The following ARHGEF18 variants were observed in gnomAD, a reference collection of about 807,000 sequenced individuals.
The protein encoded by ARHGEF18 is rho guanine nucleotide exchange factor 18.
Under a neutral mutation model 155.7 loss-of-function variants are expected in ARHGEF18, and 93 were observed. The observed-to-expected ratio is 0.60, with a 90% CI of 0.50 to 0.71. ARHGEF18 has a LOEUF of 0.71. Among genes scored for constraint, ARHGEF18 ranks in the 30% least tolerant of loss-of-function variants. ARHGEF18 has a pLI of 0.00. For missense variants in ARHGEF18, 1,593 were observed against 1,816.1 expected, an observed-to-expected ratio of 0.88 and a Z score of 2.23; for synonymous variants, 742 against 753.1, an observed-to-expected ratio of 0.99 and a Z score of 0.24.
intron 10 of ARHGEF18, among the ~76,000 whole-genome samples, chr19:7,431,691 G>C (rs1042111853): frequency 6.6e-6 from 1 of 151,966 alleles, no homozygotes; most frequent in Non-Finnish European, 1.5e-5. Flanking sequence ...GCGCATGCCT[G>C]TAATCCCAGC....
At chr19:7,443,995 T>C (rs1974834129) in intron 13 of ARHGEF18, among the ~76,000 whole-genome samples, 1 of 151,962 alleles carries the variant, frequency 6.6e-6, no homozygotes, top group African/African-American at 2.4e-5. Context: ...CCCAGGGTTC[T>C]CTCCTTCCCC....
intron 16 of ARHGEF18, among the ~76,000 whole-genome samples, chr19:7,452,278 G>C (rs901980526): frequency 2.6e-5 from 4 of 152,208 alleles, no homozygotes; most frequent in Admixed American, 6.5e-5. Flanking sequence ...GGGAGGCAGA[G>C]AAGGGCGGGC....
At chr19:7,414,816 A>AG (rs934648302) in intron 10 of ARHGEF18, among the ~76,000 whole-genome samples, 4 of 142,100 alleles carry the variant, frequency 2.8e-5, no homozygotes, top group Non-Finnish European at 6.3e-5. Context: ...AAAAAAAAAG[A>AG]AAAAAACAAA....
intron 10 of ARHGEF18, among the ~76,000 whole-genome samples, chr19:7,398,631 CAGTGAGCCG>C (rs946658888): frequency 3.4e-5 from 5 of 149,194 alleles, no homozygotes; most frequent in African/African-American, 4.9e-5. Context: ...GCAGAGGTTG[CAGTGAGCCG>C]AGATCACGCC....
downstream of ARHGEF18, among the ~76,000 whole-genome samples, chr19:7,473,668 G>T (rs1977131792): frequency 6.6e-6 from 1 of 152,070 alleles, no homozygotes; most frequent in South Asian, 2.1e-4. Flanking sequence ...AAATTAGCCG[G>T]GCGTGGTGGC....
intron 1 of ARHGEF18, among the ~76,000 whole-genome samples, chr19:7,356,912 G>A (rs988538093): frequency 1.3e-5 from 2 of 152,216 alleles, no homozygotes; most frequent in Non-Finnish European, 2.9e-5. Context: ...CTCCTTGAAG[G>A]CTCATTGTGT....
intron 3 of ARHGEF18, among the ~76,000 whole-genome samples, chr19:7,373,471 T>TG (rs1970292647): frequency 1.5e-5 from 1 of 68,604 alleles, no homozygotes; most frequent in Admixed American, 1.3e-4. Context: ...TTGTTTTTTT[T>TG]TTTTTGTTTT....
chr19:7,427,322 T>C (rs368373194), intron 10 of ARHGEF18, among the ~76,000 whole-genome samples: 15 of 152,262 alleles, frequency 9.9e-5, no homozygotes, highest in East Asian at 9.7e-4. Context: ...GTGGGCTTCA[T>C]GTGTCCAGGC....
intron 26 of ARHGEF18, among the ~76,000 whole-genome samples, chr19:7,468,065 G>C (rs1461090201): frequency 6.6e-6 from 1 of 152,142 alleles, no homozygotes; most frequent in Non-Finnish European, 1.5e-5. Flanking sequence ...GCTAGGCATG[G>C]TGGCATGCAC....
chr19:7,423,406 G>A (rs1973472634), intron 10 of ARHGEF18, among the ~76,000 whole-genome samples: 1 of 151,984 alleles, frequency 6.6e-6, no homozygotes, highest in South Asian at 2.1e-4. Flanking sequence ...GGGGAGCCTG[G>A]TCATTAATTG....
intron 10 of ARHGEF18, among the ~76,000 whole-genome samples, chr19:7,412,156 C>T: frequency 6.6e-6 from 1 of 151,792 alleles, no homozygotes; most frequent in Non-Finnish European, 1.5e-5. Context: ...CTGCCTCAGC[C>T]TCCCAAGTAG....
chr19:7,460,785 T>G (rs1292856234), intron 20 of ARHGEF18, among the ~76,000 whole-genome samples: 1 of 151,976 alleles, frequency 6.6e-6, no homozygotes, highest in African/African-American at 2.4e-5. Context: ...TATTTTTTTT[T>G]ATTTTATCTT....
At chr19:7,448,601 C>T (rs1975157020) in intron 15 of ARHGEF18, among the ~76,000 whole-genome samples, 3 of 151,502 alleles carry the variant, frequency 2.0e-5, no homozygotes, top group African/African-American at 7.3e-5. Flanking sequence ...GCGGAGCGTG[C>T]AGTGAGCTGA....
chr19:7,434,994 G>C (rs956554443), intron 10 of ARHGEF18, among the ~76,000 whole-genome samples: 21 of 152,342 alleles, frequency 1.4e-4, no homozygotes, highest in African/African-American at 5.1e-4. Context: ...CTGCGGTCAA[G>C]AGTTTGAGAC....
Position 7,352,832 on chromosome 19 carries a change from C to CTT in ARHGEF18, c.-111+3612_-111+3613dup, listed in dbSNP as rs587602037. On this transcript the variant is annotated intron_variant, in intron 1 of 28. Coordinates refer to ENST00000668164, the MANE Select transcript of ARHGEF18 (RefSeq NM_001367823.1). ...ACAGGTGTGAGTCGCCGTGCCTGGCCTTTTTTTTTTTTTTTTTTTTTTGAC... is the reference window on the plus strand; with the variant it reads ...ACAGGTGTGAGTCGCCGTGCCTGGCCTTTTTTTTTTTTTTTTTTTTTTTTGAC... 6.2e-4 allele frequency among the ~76,000 whole-genome samples: 31 copies of CTT among 49,882 alleles called. 9 individuals are homozygous for CTT. The highest frequency in any genetic ancestry group is 1.6e-3 in the East Asian group (2 of 1,278). 32.7% of individuals were successfully genotyped at this position (49,882 alleles called of 152,430 possible).
chr19:7,441,949 A>T lies in ARHGEF18; in HGVS notation c.1257A>T (p.Ser419=), dbSNP rs2145781224. ...YTASLRSEIE[S]DGHEFEAESW... ...CCTCGCTGAGGAGTGAGATTGAGTC[A>T]GACGGCCACGAGTTTGAAGCTGAGT... is the stretch of plus-strand genomic sequence containing the variant. Residue 419 remains serine, a synonymous_variant, in exon 13 of 29, where the codon TCA becomes TCT. Transcript: ENST00000668164. 1 of 1,614,144 alleles carries T rather than the reference A, an allele frequency of 6.2e-7. No individual in the cohort carries two copies. Among genetic ancestry groups the T allele is most frequent in the South Asian group, 1.1e-5 (1 of 91,084 alleles).
At position 7,365,805 on chromosome 19, in the gene ARHGEF18, CTG is replaced by C. The variant is rs529908658; in HGVS notation, c.15+2903_15+2904del. Among the ~76,000 whole-genome samples, 39 of 152,324 alleles carry C rather than the reference CTG, an allele frequency of 2.6e-4. No homozygotes were observed. The East Asian group carries it at 7.1e-3, about 28-fold the overall frequency. ...TTTGAACCCCAAGGACCCTCCATTTCTGTGCATTGCACCCTCCTTCTCCTTCC... is the reference window on the plus strand; with the variant it reads ...TTTGAACCCCAAGGACCCTCCATTTCTGCATTGCACCCTCCTTCTCCTTCC... On this transcript the variant is annotated intron_variant, in intron 2 of 28. Transcript: ENST00000668164.
chr19:7,351,305 TTTTGTTTG>T (rs143178894), intron 1 of ARHGEF18, among the ~76,000 whole-genome samples: 3,202 of 150,404 alleles, frequency 0.021, 95 homozygotes, highest in African/African-American at 0.064. Context: ...AGTGGACTTC[TTTTGTTTG>T]TTTGTTTGTT....
intron 10 of ARHGEF18, among the ~76,000 whole-genome samples, chr19:7,384,599 T>C (rs111700618): frequency 0.017 from 2,658 of 152,306 alleles, 35 homozygotes; most frequent in South Asian, 0.083. Context: ...GTCAACGATG[T>C]TCCTCTTTGA....
Sources: gnomAD v4.1 joint callset for allele counts (sites outside exome capture counted in the v4.1 genomes callset) on GRCh38, gnomAD v4.1.1 for gene constraint, MANE v1.5 for transcripts, NCBI Gene and HGNC (gene_info 2026-07-23, HGNC 2026-07-21) for gene names.